Variants in ERN2 observed in about 807,000 individuals in gnomAD.
The protein encoded by ERN2 is serine/threonine-protein kinase/endoribonuclease IRE2.
In ERN2, 111 loss-of-function variants were observed where a neutral mutation model predicts 107.9. The observed-to-expected ratio is 1.03, with a 90% confidence interval of 0.88 to 1.20. The LOEUF (loss-of-function observed/expected upper bound fraction) is 1.20, where lower values mean the gene tolerates loss of function less well. Ranked by LOEUF, ERN2 falls within the 50% of genes most tolerant of loss-of-function variation. The pLI, the probability that ERN2 is intolerant of heterozygous loss-of-function variation, is 0.00. For synonymous variants in ERN2, 524 were observed against 501.7 expected (o/e 1.04, Z -0.59); for missense variants, 1,225 against 1,197.9 (o/e 1.02, Z -0.33).
At chr16:23,702,040 A>T (rs574273255) in intron 11 of ERN2, 112 bp downstream of exon 11, 1 of 1,163,416 alleles carries the variant, frequency 8.6e-7, no homozygotes, top group East Asian at 2.4e-5. Context: ...TGTGAGGTCA[A>T]TTGACCCACC....
intron 17 of ERN2, 70 bp from the exon 18 acceptor site, chr16:23,692,401 C>T: frequency 6.4e-7 from 1 of 1,557,658 alleles, no homozygotes; most frequent in Non-Finnish European, 8.7e-7. Context: ...TAAATTCTCC[C>T]ATGGGCTGAT....
chr16:23,697,779 CAG>C (rs1239198923), intron 13 of ERN2, among the ~76,000 whole-genome samples: 5 of 151,992 alleles, frequency 3.3e-5, no homozygotes, highest in Non-Finnish European at 4.4e-5. Flanking sequence ...GTTTTAGAAA[CAG>C]GGGCTCACTC....
intron 7 of ERN2, 127 bp from the exon 8 acceptor site, chr16:23,705,274 ATGTT>A: frequency 9.3e-7 from 1 of 1,075,580 alleles, no homozygotes; most frequent in East Asian, 2.5e-5. Flanking sequence ...GGACATGAGA[ATGTT>A]TGTTGGAGTT....
At position 23,690,997 on chromosome 16, in the gene ERN2, C is replaced by G; in HGVS notation, c.2615G>C (p.Gly872Ala). The G allele has an allele frequency of 6.2e-7, 1 of 1,614,146 alleles. No homozygotes were observed. Among genetic ancestry groups the G allele is most frequent in the South Asian group, 1.1e-5 (1 of 91,084 alleles). The change falls in exon 22 of 22, where the codon GGC (glycine) becomes GCC (alanine). Residue 872 changes from glycine (G) to alanine (A), a missense_variant. Gly to Ala is a moderately conservative substitution (Grantham distance 60). Transcript: ENST00000256797. ...CTGGACGAAGCCATCAGGGACTTGG[C>G]CGAGTGCCTGTCGCACCTCAACTGG... ...ELPVEVRQAL[G>A]QVPDGFVQYF... is the part of the protein sequence containing the mutation.
In ERN2 at chr16:23,691,166, G is replaced by A; in HGVS notation, c.2531C>T (p.Thr844Ile). The change falls in exon 21 of 22, where the codon ACA (threonine) becomes ATA (isoleucine). Residue 844 changes from threonine to isoleucine, a missense_variant. Physicochemically the swap from Thr to Ile is moderately conservative, Grantham distance 89 (BLOSUM62 -1). Transcript: ENST00000256797. ...AGCACGGAGCAGGTCTCGCACTGAT[G>A]TCCCCTTATAGGACCGGAACTTTCT... ...DLRKFRSYKG[T>I]SVRDLLRAVR... 2 of 1,613,942 alleles carry A rather than the reference G, an allele frequency of 1.2e-6. No individual in the cohort carries two copies. Among genetic ancestry groups the A allele is most frequent in the Non-Finnish European group, 1.7e-6 (2 of 1,180,000 alleles).
chr16:23,710,839 T>A, intron 2 of ERN2, 74 bp downstream of exon 2: 1 of 1,115,528 alleles, frequency 9.0e-7, no homozygotes, highest in East Asian at 2.4e-5. Flanking sequence ...ATGTTCTTAT[T>A]CTCTATGCCA....
chr16:23,693,599 A>T (rs545312239), intron 17 of ERN2, among the ~76,000 whole-genome samples: 3,830 of 135,082 alleles, frequency 0.028, 71 homozygotes, highest in Middle Eastern at 0.096. Context: ...CAAAAAAAAA[A>T]AAATATATAT....
At position 23,700,501 on chromosome 16, in the gene ERN2, C is replaced by G. The variant is rs1312914807; in HGVS notation, c.1525+38G>C. 4 of 1,558,312 alleles carry G rather than the reference C, an allele frequency of 2.6e-6. No individual in the cohort carries two copies. In the South Asian group the frequency reaches 3.6e-5, roughly 14 times the overall value. On this transcript the variant is annotated intron_variant, in intron 13 of 21. Transcript: ENST00000256797. ...AGCTAAATCTGCCCCTGGCTTTTCTCTGTTCCTGACTGCCCTGTCTTGTTC... is the reference window on the plus strand; with the variant it reads ...AGCTAAATCTGCCCCTGGCTTTTCTGTGTTCCTGACTGCCCTGTCTTGTTC...
Position 23,704,935 on chromosome 16 carries a change from A to G in ERN2, c.802T>C (p.Ser268Pro). 2 of 1,613,660 alleles carry G rather than the reference A, an allele frequency of 1.2e-6. No individual in the cohort carries two copies. The highest frequency in any genetic ancestry group is 1.7e-6 in the Non-Finnish European group (2 of 1,180,022). Residue 268 changes from serine to proline, a missense_variant, in exon 8 of 22, where the codon TCA becomes CCA. Ser to Pro is a moderately conservative substitution (Grantham distance 74). Coordinates refer to ENST00000256797, the MANE Select transcript of ERN2 (RefSeq NM_033266.4). ...LRWGHIRLPASGPRDTATLFS... is the reference protein window; with the variant it reads ...LRWGHIRLPAPGPRDTATLFS... ...AGGGTGGCTGTGTCCCGGGGGCCTG[A>G]GGCAGGCAGTCGGATGTGGCCCCAG...
chr16:23,694,330 G>C (rs996637633), intron 17 of ERN2, among the ~76,000 whole-genome samples: 1 of 152,182 alleles, frequency 6.6e-6, no homozygotes, highest in Non-Finnish European at 1.5e-5. Flanking sequence ...CGCAGTGGTT[G>C]TGAAGCACAG....
chr16:23,702,650 G>A lies in ERN2; in HGVS notation c.907C>T (p.Leu303=), dbSNP rs781126911. The change falls in exon 9 of 22, where the codon CTG becomes TTG. Residue 303 remains leucine (L), a synonymous_variant. Transcript: ENST00000256797. ...DETGFYVSKA[L]VHTGVALVPR... is the part of the protein sequence containing the mutation. ...ACCAGGGCCACTCCTGTGTGGACCA[G>A]TGCTTTAGAGACATAGAAGCCAGTT... 1.2e-6 allele frequency: 2 copies of A among 1,614,074 alleles called. No individual in the cohort carries two copies. The highest frequency in any genetic ancestry group is 1.7e-5 in the Admixed American group (1 of 60,008).
chr16:23,708,449 C>T (rs1356287983), intron 4 of ERN2, among the ~76,000 whole-genome samples: 9 of 149,478 alleles, frequency 6.0e-5, no homozygotes, highest in African/African-American at 9.9e-5. Flanking sequence ...CTCTGCCTCC[C>T]GGGTACAAAC....
intron 2 of ERN2, 34 bp downstream of exon 2, chr16:23,710,879 C>T (rs1487821509): frequency 2.1e-6 from 3 of 1,444,856 alleles, no homozygotes; most frequent in Non-Finnish European, 1.9e-6. Context: ...AATCTATGGG[C>T]CCAAGGAGGG....
rs1253028131 is a variant in ERN2, at chr16:23,706,518, G to A, written c.488-87C>T. 9.0e-6 allele frequency: 9 copies of A among 996,838 alleles called. No individual in the cohort carries two copies. The East Asian group carries it at 1.3e-4, about 14-fold the overall frequency. The allele number at this position is 996,838 out of a possible 1,614,324, so 61.7% of individuals were successfully genotyped here. A position where few individuals can be genotyped will look rare whatever the true frequency, so the allele number is the denominator to read the frequency against. On this transcript the variant is annotated intron_variant, in intron 6 of 21. Coordinates refer to ENST00000256797, the MANE Select transcript of ERN2 (RefSeq NM_033266.4). The stretch of plus-strand genomic sequence containing the variant: ...GGCCATTTATCTTGCAGGAGTGGGG[G>A]TTTCCTGAGCACACAGCCTAGAGAC...
intron 13 of ERN2, among the ~76,000 whole-genome samples, chr16:23,696,366 G>A (rs1219336008): frequency 6.6e-6 from 1 of 151,128 alleles, no homozygotes; most frequent in Non-Finnish European, 1.5e-5. Context: ...GGTTTGTTTT[G>A]TTTTGCTTTG....
At position 23,702,518 on chromosome 16, in the gene ERN2, G is replaced by A; in HGVS notation, c.953C>T (p.Ala318Val). 2 of 1,613,956 alleles carry A rather than the reference G, an allele frequency of 1.2e-6. No individual in the cohort carries two copies. Among genetic ancestry groups the A allele is most frequent in the Non-Finnish European group, 1.7e-6 (2 of 1,180,020 alleles). The part of the protein sequence containing the change: ...VALVPRGLTL[A>V]PADGPTTDEV... ...ATCTGTGGTGGGGCCATCTGCGGGGGCCAGGGTCAGTCCACGAGGCTATGG... is the reference window on the plus strand; with the variant it reads ...ATCTGTGGTGGGGCCATCTGCGGGGACCAGGGTCAGTCCACGAGGCTATGG... Residue 318 changes from alanine to valine, a missense_variant, in exon 10 of 22, where the codon GCC (alanine) becomes GTC (valine). Transcript: ENST00000256797.
intron 8 of ERN2, among the ~76,000 whole-genome samples, chr16:23,704,379 A>G (rs1337845616): frequency 1.3e-5 from 2 of 152,086 alleles, no homozygotes; most frequent in African/African-American, 2.4e-5. Flanking sequence ...GGTCTTTCCC[A>G]TGCTGTTCTT....
intron 11 of ERN2, among the ~76,000 whole-genome samples, chr16:23,701,729 G>A (rs1003127328): frequency 1.3e-5 from 2 of 150,994 alleles, no homozygotes; most frequent in African/African-American, 2.4e-5. Flanking sequence ...TCTTGGGCTC[G>A]AGCAATCCTC....
Position 23,690,959 on chromosome 16 carries a change from G to A in ERN2, c.2653C>T (p.Arg885Cys), listed in dbSNP as rs771312988. The change falls in exon 22 of 22, where the codon CGC (arginine) becomes TGC (cysteine). Residue 885 changes from arginine (R) to cysteine (C), a missense_variant. Arg to Cys is a radical substitution (Grantham distance 180, BLOSUM62 -3). Coordinates refer to ENST00000256797, the MANE Select transcript of ERN2 (RefSeq NM_033266.4). ...GTGTGGAGGAGCAGCCGTGGGAAGC[G>A]GTTTGTGAAGTACTGGACGAAGCCA... ...PDGFVQYFTN[R>C]FPRLLLHTHR... 34 of 1,614,038 alleles carry A rather than the reference G, an allele frequency of 2.1e-5. No homozygotes were observed. Among genetic ancestry groups the A allele is most frequent in the Admixed American group, 5.0e-5 (3 of 60,012 alleles).
Sources: allele counts gnomAD v4.1 joint callset (sites outside exome capture counted in the v4.1 genomes callset), GRCh38; gene constraint gnomAD v4.1.1; transcripts MANE v1.5; gene names NCBI Gene and HGNC (gene_info 2026-07-23, HGNC 2026-07-21).